Variants in CDH6 observed in about 807,000 individuals in gnomAD.
CDH6 encodes cadherin-6.
A neutral mutation model predicts 78.0 loss-of-function variants in CDH6; 31 were observed. The observed-to-expected ratio is 0.40, with a 90% confidence interval of 0.30 to 0.54. The LOEUF (loss-of-function observed/expected upper bound fraction) is 0.54, where lower values mean the gene tolerates loss of function less well. Among genes scored for constraint, CDH6 ranks in the 20% least tolerant of loss-of-function variants. The pLI, the probability that CDH6 is intolerant of heterozygous loss-of-function variation, is 0.56. For synonymous variants in CDH6, 376 were observed against 368.8 expected (o/e 1.02, Z -0.23); for missense variants, 724 against 975.9 (o/e 0.74, Z 3.44).
At chr5:31,254,794 C>A (rs1317649637) in intron 1 of CDH6, among the ~76,000 whole-genome samples, 1 of 152,088 alleles carries the variant, frequency 6.6e-6, no homozygotes, top group Non-Finnish European at 1.5e-5. Context: ...ACAGAGATAA[C>A]CGGATGTATC....
chr5:31,287,077 G>C (rs897678879), intron 2 of CDH6, among the ~76,000 whole-genome samples: 11 of 152,128 alleles, frequency 7.2e-5, no homozygotes, highest in Non-Finnish European at 1.6e-4. Context: ...CTATATTCTT[G>C]ACTCCAGATC....
At chr5:31,302,813 A>G (rs1046661944) in intron 6 of CDH6, among the ~76,000 whole-genome samples, 3 of 138,872 alleles carry the variant, frequency 2.2e-5, no homozygotes, top group African/African-American at 8.2e-5. Flanking sequence ...AGAAAGAAAG[A>G]AAGAAAGAAA....
chr5:31,299,679 C>A (rs773652381), intron 5 of CDH6, 48 bp downstream of exon 5: 6 of 1,510,778 alleles, frequency 4.0e-6, no homozygotes, highest in Non-Finnish European at 5.5e-6. Context: ...TTTTATAAAA[C>A]TCGAACTTTA....
At chr5:31,311,836 A>C (rs927261529) in intron 7 of CDH6, among the ~76,000 whole-genome samples, 1 of 152,210 alleles carries the variant, frequency 6.6e-6, no homozygotes, top group Non-Finnish European at 1.5e-5. Flanking sequence ...CCTTTGACAC[A>C]TGGGGATTAC....
At chr5:31,268,181 A>G (rs1742414626) in intron 2 of CDH6, among the ~76,000 whole-genome samples, 1 of 152,166 alleles carries the variant, frequency 6.6e-6, no homozygotes, top group Non-Finnish European at 1.5e-5. Flanking sequence ...GGCCAAATGG[A>G]GCCCTTTGCT....
rs1212431186 is a variant in CDH6, at chr5:31,323,784, C to A, written c.*476C>A. ...ACTACATAGGGGTGTTTATTTGTGT[C>A]ACAAAGAATTTAAAATAACACTTGC... On this transcript the variant is annotated 3_prime_UTR_variant, in exon 12 of 12. Transcript: ENST00000265071. The A allele has an allele frequency of 4.3e-6, 1 of 231,702 alleles. No homozygotes were observed. Among genetic ancestry groups the A allele is most frequent in the Non-Finnish European group, 8.5e-6 (1 of 117,248 alleles). The allele number at this position is 231,702 out of a possible 1,614,324, so 14.4% of individuals were successfully genotyped here. A position where few individuals can be genotyped will look rare whatever the true frequency, so the allele number is the denominator to read the frequency against.
chr5:31,288,763 T>A (rs1237140182), intron 2 of CDH6, among the ~76,000 whole-genome samples: 1 of 152,222 alleles, frequency 6.6e-6, no homozygotes. Context: ...TTATAATAGC[T>A]CAGATTAGCA....
chr5:31,313,652 A>T (rs1467216245), intron 8 of CDH6, among the ~76,000 whole-genome samples, 198 bp downstream of exon 8: 1 of 152,204 alleles, frequency 6.6e-6, no homozygotes, highest in Non-Finnish European at 1.5e-5. Flanking sequence ...GCAACCATGG[A>T]AGTTCTGTGG....
Position 31,298,033 on chromosome 5 carries a change from T to C in CDH6, c.643+625T>C, listed in dbSNP as rs538213122. Among the ~76,000 whole-genome samples, 4 of 152,292 alleles carry C rather than the reference T, an allele frequency of 2.6e-5. No homozygotes were observed. The South Asian group carries it at 8.3e-4, about 32-fold the overall frequency. ...TGTGTGAAGCCACTAAGATTTTGCA[T>C]TGTTTGTTATCAAATCATTGTCTAG... On this transcript the variant is annotated intron_variant, in intron 4 of 11. Coordinates refer to ENST00000265071, the MANE Select transcript of CDH6 (RefSeq NM_004932.4).
intron 1 of CDH6, among the ~76,000 whole-genome samples, chr5:31,224,931 A>T (rs2111839044): frequency 6.6e-6 from 1 of 152,294 alleles, no homozygotes. Flanking sequence ...CTTAACTCAT[A>T]ATTTTAAAGC....
intron 1 of CDH6, among the ~76,000 whole-genome samples, chr5:31,243,968 GT>G (rs2149920780): frequency 6.6e-6 from 1 of 152,282 alleles, no homozygotes; most frequent in South Asian, 2.1e-4. Flanking sequence ...AAGTTCATTT[GT>G]TTTTATGACA....
chr5:31,211,726 G>A (rs1249206541), intron 1 of CDH6, among the ~76,000 whole-genome samples: 1 of 152,114 alleles, frequency 6.6e-6, no homozygotes, highest in Non-Finnish European at 1.5e-5. Flanking sequence ...TGTTCCCAAA[G>A]TGGAATAAAA....
chr5:31,249,818 T>C (rs76304736), intron 1 of CDH6: 4,486 of 152,404 alleles, frequency 0.029, 99 homozygotes, highest in Non-Finnish European at 0.046. Context: ...CAGCAGTCTC[T>C]GTGGAATCCA....
At position 31,326,347 on chromosome 5, in the gene CDH6, T is replaced by C. The variant is rs1324525066; in HGVS notation, c.*3039T>C. The C allele has an allele frequency of 4.7e-6, 1 of 214,600 alleles. No individual in the cohort carries two copies. The highest frequency in any genetic ancestry group is 6.9e-5 in the East Asian group (1 of 14,412). 13.3% of individuals were successfully genotyped at this position (214,600 alleles called of 1,614,324 possible). On this transcript the variant is annotated 3_prime_UTR_variant, in exon 12 of 12. Coordinates refer to ENST00000265071, the MANE Select transcript of CDH6 (RefSeq NM_004932.4). ...AGAATAAGCTGAATTTAAAAAAACATTAAGCCATTGTTTAAAGCCCCTTCA... is the reference window on the plus strand; with the variant it reads ...AGAATAAGCTGAATTTAAAAAAACACTAAGCCATTGTTTAAAGCCCCTTCA...
At chr5:31,196,358 T>G (rs1740167587) in intron 1 of CDH6, among the ~76,000 whole-genome samples, 1 of 152,234 alleles carries the variant, frequency 6.6e-6, no homozygotes. Context: ...ATTGAGTGAA[T>G]GTCCCACAGA....
intron 1 of CDH6, among the ~76,000 whole-genome samples, chr5:31,202,447 C>A (rs1740379347): frequency 6.6e-6 from 1 of 151,928 alleles, no homozygotes; most frequent in Non-Finnish European, 1.5e-5. Context: ...CCAGCCTGAC[C>A]AACATAGTGA....
intron 1 of CDH6, among the ~76,000 whole-genome samples, chr5:31,199,537 T>A (rs1740277117): frequency 6.8e-6 from 1 of 146,106 alleles, no homozygotes; most frequent in Admixed American, 6.8e-5. Context: ...TGTGTATATA[T>A]ATGTATACAC....
At chr5:31,252,105 G>A (rs1198136946) in intron 1 of CDH6, among the ~76,000 whole-genome samples, 1 of 152,116 alleles carries the variant, frequency 6.6e-6, no homozygotes, top group Non-Finnish European at 1.5e-5. Flanking sequence ...ACCAACTATT[G>A]CACTTCTGGC....
intron 1 of CDH6, among the ~76,000 whole-genome samples, chr5:31,234,083 T>C (rs2111859647): frequency 6.6e-6 from 1 of 152,340 alleles, no homozygotes; most frequent in East Asian, 1.9e-4. Flanking sequence ...GTTTAAAGTG[T>C]GTTCTTAATA....
Sources: gnomAD v4.1 joint callset for allele counts (sites outside exome capture counted in the v4.1 genomes callset) on GRCh38, gnomAD v4.1.1 for gene constraint, MANE v1.5 for transcripts, NCBI Gene and HGNC (gene_info 2026-07-23, HGNC 2026-07-21) for gene names.